ZNF808: variants seen among roughly 807,000 people sequenced by gnomAD.
ZNF808 encodes zinc finger protein 808.
A neutral mutation model predicts 8.7 loss-of-function variants in ZNF808; 5 were observed. The observed-to-expected ratio is 0.58, with a 90% CI of 0.30 to 1.21. The LOEUF (loss-of-function observed/expected upper bound fraction) is 1.21. Among genes scored for constraint, ZNF808 ranks in the 50% most tolerant of loss-of-function variants. The probability of loss-of-function intolerance (pLI) is 0.07; values close to 1 mark genes in which losing one functional copy is unlikely to be tolerated. For missense variants in ZNF808, 1,103 were observed against 1,098.4 expected (o/e 1.00, Z -0.06); for synonymous variants, 380 against 366.0 (o/e 1.04, Z -0.44).
chr19:52,549,361 G>C (rs961236854), intron 4 of ZNF808, among the ~76,000 whole-genome samples: 1 of 152,106 alleles, frequency 6.6e-6, no homozygotes, highest in Non-Finnish European at 1.5e-5. Flanking sequence ...TCTTCATAGA[G>C]TTTACTTGTT....
At chr19:52,561,810 G>A (rs544119224) in intron 3 of ZNF808, among the ~76,000 whole-genome samples, 2 of 152,218 alleles carry the variant, frequency 1.3e-5, no homozygotes, top group African/African-American at 2.4e-5. Flanking sequence ...GTCTCCCAAA[G>A]TGCTGGAATT....
chr19:52,532,311 T>C (rs940329993), intron 1 of ZNF808, among the ~76,000 whole-genome samples: 5 of 152,154 alleles, frequency 3.3e-5, no homozygotes, highest in African/African-American at 9.6e-5. Context: ...TTGCAATCTC[T>C]GCCTCCCAGG....
chr19:52,545,089 T>C (rs1361371044), intron 3 of ZNF808, among the ~76,000 whole-genome samples: 1 of 152,246 alleles, frequency 6.6e-6, no homozygotes, highest in Non-Finnish European at 1.5e-5. Context: ...GGCTAAAGTC[T>C]GCACTTTTAA....
intron 1 of ZNF808, among the ~76,000 whole-genome samples, chr19:52,529,537 A>G (rs441850): frequency 0.38 from 58,431 of 151,934 alleles, 13,799 homozygotes; most frequent in African/African-American, 0.65. Flanking sequence ...GTGTCTATAA[A>G]ACATGTACAT....
At chr19:52,539,376 A>G (rs1486813357) in intron 2 of ZNF808, among the ~76,000 whole-genome samples, 1 of 150,932 alleles carries the variant, frequency 6.6e-6, no homozygotes, top group Admixed American at 6.6e-5. Context: ...TATTTTTAGT[A>G]GAGACAGTTT....
At chr19:52,563,605 A>G (rs2059864529) in exon 4 of ZNF808, 1 of 153,536 alleles carries the variant, frequency 6.5e-6, no homozygotes, top group Non-Finnish European at 1.4e-5. Flanking sequence ...CAGGCTATGG[A>G]GTTGATGCCC....
downstream of ZNF808, among the ~76,000 whole-genome samples, chr19:52,564,615 A>T (rs1216667167): frequency 1.3e-5 from 2 of 151,842 alleles, no homozygotes; most frequent in African/African-American, 4.8e-5. Flanking sequence ...AACCCAGTTC[A>T]TGAAAGACCC....
intron 2 of ZNF808, among the ~76,000 whole-genome samples, chr19:52,543,024 A>T (rs1364009839): frequency 2.6e-5 from 4 of 151,842 alleles, no homozygotes; most frequent in Non-Finnish European, 4.4e-5. Flanking sequence ...AGTGCAGCCC[A>T]GGTCCCCCCT....
In ZNF808 at chr19:52,555,013, A is replaced by G. The variant is rs777673615; in HGVS notation, c.2097A>G (p.Arg699=). The change falls in exon 5 of 5, where the codon AGA becomes AGG. Residue 699 remains arginine (R), a synonymous_variant. Transcript: ENST00000359798. ...VCRSYVAKHT[R]IHSGMKPYKC... ...GTTCCTATGTGGCAAAACATACTAG[A>G]ATTCACAGTGGAATGAAACCTTACA... The G allele has an allele frequency of 7.8e-5, 126 of 1,613,928 alleles. No homozygotes were observed. Among genetic ancestry groups the G allele is most frequent in the Non-Finnish European group, 9.7e-5 (115 of 1,180,000 alleles).
In ZNF808 at chr19:52,534,665, G is replaced by A. The variant is rs190867118; in HGVS notation, c.-20+1656G>A. 1.1e-4 allele frequency among the ~76,000 whole-genome samples: 11 copies of A among 100,502 alleles called. 1 individual carries two copies. The South Asian group carries it at 1.8e-3, about 16-fold the overall frequency. 65.9% of individuals were successfully genotyped at this position (100,502 alleles called of 152,430 possible). On this transcript the variant is annotated intron_variant, in intron 2 of 4. Coordinates refer to ENST00000359798, the MANE Select transcript of ZNF808 (RefSeq NM_001039886.4). ...AGCACTTTGGGAGGCCGAGGCTGGC[G>A]GATCACTTGAAGTCAGGGTTCTAGA...
chr19:52,559,175 G>C (rs2059848583), downstream of ZNF808, among the ~76,000 whole-genome samples: 1 of 152,014 alleles, frequency 6.6e-6, no homozygotes, highest in Admixed American at 6.6e-5. Context: ...TGAGGTAAGA[G>C]GAAGGCATCT....
chr19:52,547,747 T>G (rs556807747), intron 4 of ZNF808, 109 bp downstream of exon 4: 223 of 1,522,224 alleles, frequency 1.5e-4, no homozygotes, highest in African/African-American at 6.5e-4. Flanking sequence ...TGGTTTTTTT[T>G]TTTTTTTTTT....
intron 2 of ZNF808, among the ~76,000 whole-genome samples, chr19:52,542,958 T>TG (rs67486103): frequency 0.014 from 1,929 of 142,046 alleles, 16 homozygotes; most frequent in African/African-American, 0.025. Flanking sequence ...ATCTTTTTTT[T>TG]GGGGGGGGGG....
intron 4 of ZNF808, 101 bp downstream of exon 4, chr19:52,547,739 G>GGTTTTTTTTTTTTTTTTTTTTTT (rs1491196956): frequency 2.4e-6 from 2 of 843,142 alleles, no homozygotes. Context: ...ATCCATGCTG[G>GGTTTTTTTTTTTTTTTTTTTTTT]TTTTTTTTTT....
intron 2 of ZNF808, among the ~76,000 whole-genome samples, chr19:52,535,507 T>TCAC (rs2059599286): frequency 1.3e-5 from 2 of 151,914 alleles, no homozygotes; most frequent in Non-Finnish European, 2.9e-5. Context: ...TTCCGCCCCG[T>TCAC]GCCCGCATCC....
chr19:52,532,804 G>C (rs2123068548), intron 1 of ZNF808, 104 bp from the exon 2 acceptor site: 1 of 154,398 alleles, frequency 6.5e-6, no homozygotes. Context: ...GATCATGTTT[G>C]GGAAGTTCAA....
downstream of ZNF808, among the ~76,000 whole-genome samples, chr19:52,559,392 T>C (rs2059849367): frequency 6.6e-6 from 1 of 152,162 alleles, no homozygotes; most frequent in Non-Finnish European, 1.5e-5. Flanking sequence ...CAGAGACATT[T>C]GTTCAGGTTT....
chr19:52,527,972 C>T (rs146731889), intron 1 of ZNF808: 2 of 152,482 alleles, frequency 1.3e-5, no homozygotes, highest in African/African-American at 2.4e-5. Flanking sequence ...TCAAAACCTT[C>T]TTCTGACTCT....
At chr19:52,535,483 C>T (rs1186355971) in intron 2 of ZNF808, among the ~76,000 whole-genome samples, 1 of 152,170 alleles carries the variant, frequency 6.6e-6, no homozygotes, top group Non-Finnish European at 1.5e-5. Flanking sequence ...TCCTGAGTAG[C>T]TGGGACCTCA....
Sources: gnomAD v4.1 joint callset for allele counts (sites outside exome capture counted in the v4.1 genomes callset) on GRCh38, gnomAD v4.1.1 for gene constraint, MANE v1.5 for transcripts, NCBI Gene and HGNC (gene_info 2026-07-23, HGNC 2026-07-21) for gene names.